ZNF276: variants seen among roughly 807,000 people sequenced by gnomAD.
ZNF276 encodes centromere protein Z.
ZNF276 carries 59 observed loss-of-function variants against 63.9 expected under a neutral mutation model. That is an observed-to-expected ratio of 0.92 (90% CI 0.75 to 1.15). The LOEUF is 1.15. Among genes scored for constraint, ZNF276 ranks in the 50% most tolerant of loss-of-function variants. ZNF276 has a pLI of 0.00. For missense variants in ZNF276, 1,084 were observed against 843.8 expected, an observed-to-expected ratio of 1.28 and a Z score of -3.53; for synonymous variants, 496 against 348.4, an observed-to-expected ratio of 1.42 and a Z score of -4.72.
rs893759828 is a variant in ZNF276, at chr16:89,740,561, A to G, written c.*2315A>G. ...TGATGCAGGAGAATTGCTTGAACCC[A>G]GGAGGCTGAGGTTGCAGTGAGCTGA... is the stretch of plus-strand genomic sequence containing the variant. On this transcript the variant is annotated 3_prime_UTR_variant, in exon 11 of 11. Coordinates refer to ENST00000443381, the MANE Select transcript of ZNF276 (RefSeq NM_001113525.2). 9.3e-6 allele frequency: 5 copies of G among 539,096 alleles called. No homozygotes were observed. Among genetic ancestry groups the G allele is most frequent in the Non-Finnish European group, 1.7e-5 (5 of 302,358 alleles). The allele number at this position is 539,096 out of a possible 1,614,324, so 33.4% of individuals were successfully genotyped here.
At position 89,723,291 on chromosome 16, in the gene ZNF276, G is replaced by T; in HGVS notation, c.588G>T (p.Leu196=). Reference sequence around the variant, plus strand: ...TGATCACATCCAGCCCCCAGTGCCTGCACGGCTTGGTGGGGTGGGTGCATG... The same window carrying T: ...TGATCACATCCAGCCCCCAGTGCCTTCACGGCTTGGTGGGGTGGGTGCATG... ...VDLITSSPQC[L]HGLVGWVHGH... The change falls in exon 4 of 11, where the codon CTG becomes CTT. Residue 196 remains leucine, a synonymous_variant. Transcript: ENST00000443381. The T allele has an allele frequency of 6.2e-7, 1 of 1,612,964 alleles. No individual in the cohort carries two copies. The highest frequency in any genetic ancestry group is 8.5e-7 in the Non-Finnish European group (1 of 1,179,966).
chr16:89,732,981 G>A (rs551315832), intron 6 of ZNF276: 15 of 210,316 alleles, frequency 7.1e-5, no homozygotes, highest in Middle Eastern at 2.0e-3. Context: ...TGCTGTGTTC[G>A]CCCTGACCCT....
intron 8 of ZNF276, 148 bp downstream of exon 8, chr16:89,733,705 G>A (rs975087020): frequency 2.0e-6 from 2 of 992,528 alleles, no homozygotes; most frequent in Non-Finnish European, 3.0e-6. Flanking sequence ...CCTAGCCAGT[G>A]CCATCCTTGG....
At chr16:89,728,545 G>T (rs2061541712) in intron 5 of ZNF276, among the ~76,000 whole-genome samples, 1 of 152,200 alleles carries the variant, frequency 6.6e-6, no homozygotes, top group Non-Finnish European at 1.5e-5. Context: ...TGGGACTACA[G>T]GCACCCGCCA....
rs2151693736 is a variant in ZNF276, at chr16:89,733,936, C to T, written c.1372C>T (p.His458Tyr). 3.1e-6 allele frequency: 5 copies of T among 1,613,848 alleles called. No individual in the cohort carries two copies. Among genetic ancestry groups the T allele is most frequent in the Non-Finnish European group, 4.2e-6 (5 of 1,179,978 alleles). ...TCTCCTTCAGAAGCACATCAAGGAG[C>T]ACCACGAGGAGGTCCGGGAGCGGCC... ...ADGMKKHIKE[H>Y]HEEVRERPCP... The change falls in exon 9 of 11, where the codon CAC becomes TAC. Residue 458 changes from histidine (H) to tyrosine (Y), a missense_variant. By Grantham distance (83) the His-to-Tyr change is moderately conservative. Coordinates refer to ENST00000443381, the MANE Select transcript of ZNF276 (RefSeq NM_001113525.2).
chr16:89,722,974 C>T (rs2061348699), intron 2 of ZNF276, 140 bp downstream of exon 2: 5 of 1,566,206 alleles, frequency 3.2e-6, no homozygotes, highest in South Asian at 2.4e-5. Context: ...GCCAACAGCC[C>T]TGGGACTGTT....
chr16:89,728,373 C>CA (rs2061533037), intron 5 of ZNF276, among the ~76,000 whole-genome samples: 1 of 151,290 alleles, frequency 6.6e-6, no homozygotes, highest in Non-Finnish European at 1.5e-5. Context: ...TACAGGCGCC[C>CA]GCCACCACAC....
At chr16:89,730,849 G>A (rs532815175) in intron 6 of ZNF276, among the ~76,000 whole-genome samples, 97 of 152,312 alleles carry the variant, frequency 6.4e-4, no homozygotes, top group African/African-American at 2.2e-3. Context: ...GAGTTCTAGC[G>A]GGCGTGCCCG....
upstream of ZNF276, chr16:89,720,537 C>T: frequency 8.6e-7 from 1 of 1,166,606 alleles, no homozygotes; most frequent in Non-Finnish European, 1.1e-6. Flanking sequence ...ACCGGCTCAG[C>T]GAGCGGAGTG....
In ZNF276 at chr16:89,723,727, C is replaced by T. The variant is rs1422207617; in HGVS notation, c.1006+18C>T. 5 of 1,600,598 alleles carry T rather than the reference C, an allele frequency of 3.1e-6. No homozygotes were observed. The Middle Eastern group carries it at 5.1e-4, about 163-fold the overall frequency. ...GGCCCCAGGTAGGAGGCACCTCTTG[C>T]TGGTGCTAGACCAGGATGTGTGCTC... is the stretch of plus-strand genomic sequence containing the variant. On this transcript the variant is annotated intron_variant, in intron 4 of 10. Transcript: ENST00000443381.
rs149920304 is a variant in ZNF276 at position 89,723,432 on chromosome 16, T to A, written c.729T>A (p.Asp243Glu). 3.9e-5 allele frequency: 63 copies of A among 1,612,948 alleles called. No individual in the cohort carries two copies. In the African/African-American group the frequency reaches 7.9e-4, roughly 20 times the overall value. ...ACCAGGGCCACGACTACACCATGGA[T>A]ACCAGCTCCAGCTGCAAGGCCTTCT... Reference protein sequence around the residue: ...GCDQGHDYTMDTSSSCKAFLL... With the variant: ...GCDQGHDYTMETSSSCKAFLL... Residue 243 changes from aspartate to glutamate, a missense_variant, in exon 4 of 11, where the codon GAT (aspartate) becomes GAA (glutamate). Physicochemically the swap from Asp to Glu is conservative, Grantham distance 45. Transcript: ENST00000443381.
At chr16:89,725,567 G>A (rs1597976163) in intron 4 of ZNF276, among the ~76,000 whole-genome samples, 1 of 151,904 alleles carries the variant, frequency 6.6e-6, no homozygotes, top group Non-Finnish European at 1.5e-5. Flanking sequence ...TGAGGTAGGC[G>A]GATCACGGGG....
intron 8 of ZNF276, 74 bp from the exon 9 acceptor site, chr16:89,733,847 T>C (rs2061759481): frequency 7.2e-7 from 1 of 1,391,092 alleles, no homozygotes; most frequent in East Asian, 2.3e-5. Flanking sequence ...GGGCCTCAGC[T>C]GTCACCTACT....
In ZNF276 at chr16:89,733,495, A is replaced by G; in HGVS notation, c.1294A>G (p.Thr432Ala). Reference protein sequence around the residue: ...KLRCEREELPTIYKCPYQGCT... With the variant: ...KLRCEREELPAIYKCPYQGCT... ...TCTTCATTGCAGGGAGGAGCTTCCCACCATCTACAAGTGTCCTTACCAGGG... is the reference window on the plus strand; with the variant it reads ...TCTTCATTGCAGGGAGGAGCTTCCCGCCATCTACAAGTGTCCTTACCAGGG... Residue 432 changes from threonine to alanine, a missense_variant, in exon 8 of 11, where the codon ACC becomes GCC. Coordinates refer to ENST00000443381, the MANE Select transcript of ZNF276 (RefSeq NM_001113525.2). 1 of 1,614,150 alleles carries G rather than the reference A, an allele frequency of 6.2e-7. No individual in the cohort carries two copies. The highest frequency in any genetic ancestry group is 8.5e-7 in the Non-Finnish European group (1 of 1,180,026).
At chr16:89,722,394 C>T in intron 1 of ZNF276, 137 bp from the exon 2 acceptor site, 1 of 978,896 alleles carries the variant, frequency 1.0e-6, no homozygotes, top group Non-Finnish European at 1.5e-6. Context: ...CCGAGAGCCG[C>T]GCGCCCGAGC....
rs1429007068 is a variant in ZNF276, at chr16:89,739,085, C to G, written c.*839C>G. 3.1e-6 allele frequency: 5 copies of G among 1,613,926 alleles called. No individual in the cohort carries two copies. Among genetic ancestry groups the G allele is most frequent in the African/African-American group, 2.7e-5 (2 of 75,056 alleles). ...GAACATTCTTTGGCAGAAGGAGCCT[C>G]CGGCTGGGGGGAGCTCCCCTGGAGG... is the stretch of plus-strand genomic sequence containing the variant. On this transcript the variant is annotated 3_prime_UTR_variant, in exon 11 of 11. Coordinates refer to ENST00000443381, the MANE Select transcript of ZNF276 (RefSeq NM_001113525.2).
In ZNF276 at chr16:89,739,183, T is replaced by C. The variant is rs753944130; in HGVS notation, c.*937T>C. 1.5e-5 allele frequency: 24 copies of C among 1,614,028 alleles called. No individual in the cohort carries two copies. In the Admixed American group the frequency reaches 3.8e-4, roughly 26 times the overall value. ...CCAGCTGGAGGTGAAACTGTGCTTG[T>C]ATCCCCAGCCACGAAGAGCTGGACC... is the stretch of plus-strand genomic sequence containing the variant. On this transcript the variant is annotated 3_prime_UTR_variant, in exon 11 of 11. Transcript: ENST00000443381.
chr16:89,722,787 G>A lies in ZNF276; in HGVS notation c.462G>A (p.Leu154=). 3 of 1,608,332 alleles carry A rather than the reference G, an allele frequency of 1.9e-6. No homozygotes were observed. Among genetic ancestry groups the A allele is most frequent in the African/African-American group, 1.3e-5 (1 of 75,068 alleles). Residue 154 remains leucine, a synonymous_variant, in exon 2 of 11, where the codon CTG becomes CTA. Coordinates refer to ENST00000443381, the MANE Select transcript of ZNF276 (RefSeq NM_001113525.2). ...GCCACAGCCTTCTCAAGTCCTTCCT[G>A]CAGAGGGTCAACGCCTCCCCGGCTG... The part of the protein sequence containing the change: ...YQCHSLLKSF[L]QRVNASPAGR...
chr16:89,736,693 G>A (rs948152438), intron 9 of ZNF276, among the ~76,000 whole-genome samples: 2 of 149,086 alleles, frequency 1.3e-5, no homozygotes, highest in African/African-American at 2.5e-5. Context: ...TACTTGAGAG[G>A]TTGAGGCAGG....
Sources: gnomAD v4.1 joint callset for allele counts (sites outside exome capture counted in the v4.1 genomes callset) on GRCh38, gnomAD v4.1.1 for gene constraint, MANE v1.5 for transcripts, NCBI Gene and HGNC (gene_info 2026-07-23, HGNC 2026-07-21) for gene names.